The following PAPLN variants were observed in gnomAD, a reference collection of about 807,000 sequenced individuals.
The protein encoded by PAPLN is papilin.
A neutral mutation model predicts 159.0 loss-of-function variants in PAPLN; 146 were observed. That is an observed-to-expected ratio of 0.92 (90% CI 0.80 to 1.05). The LOEUF (loss-of-function observed/expected upper bound fraction) is 1.05, where lower values mean the gene tolerates loss of function less well. PAPLN is among the 50% of genes least tolerant of loss of function. PAPLN has a pLI of 0.00. For missense variants in PAPLN, 1,720 were observed against 1,743.9 expected (o/e 0.99, Z 0.24); for synonymous variants, 734 against 702.9 (o/e 1.04, Z -0.70).
intron 2 of PAPLN, 165 bp from the exon 3 acceptor site, chr14:73,244,479 T>C: frequency 1.7e-6 from 1 of 596,402 alleles, no homozygotes. Flanking sequence ...GGAATATGTT[T>C]TGGGGTGCCC....
chr14:73,244,589 C>A (rs1174405616), intron 2 of PAPLN, 55 bp from the exon 3 acceptor site: 5 of 1,450,964 alleles, frequency 3.4e-6, no homozygotes, highest in South Asian at 1.2e-5. Flanking sequence ...TTGGAGGGGC[C>A]TCTGGGCTCA....
intron 11 of PAPLN, chr14:73,253,127 T>C (rs748618915): frequency 1.5e-5 from 21 of 1,393,624 alleles, no homozygotes; most frequent in Non-Finnish European, 1.9e-5. Flanking sequence ...AAAGGGCCTG[T>C]TGGCATCGGC....
intron 6 of PAPLN, 86 bp from the exon 7 acceptor site, chr14:73,250,821 G>A (rs2140231987): frequency 6.9e-7 from 1 of 1,454,170 alleles, no homozygotes; most frequent in East Asian, 2.5e-5. Context: ...TGGGCTGCGT[G>A]GGTGCTGGGG....
intron 6 of PAPLN, 119 bp from the exon 7 acceptor site, chr14:73,250,788 A>T (rs1594794328): frequency 1.6e-6 from 2 of 1,243,088 alleles, no homozygotes; most frequent in African/African-American, 1.6e-5. Flanking sequence ...TGGCTGAATC[A>T]CTCCCGACCA....
chr14:73,261,443 C>T (rs1886578598), intron 18 of PAPLN, 149 bp downstream of exon 18: 1 of 1,221,618 alleles, frequency 8.2e-7, no homozygotes, highest in Non-Finnish European at 1.1e-6. Flanking sequence ...AGGTGCCAGG[C>T]CAGAGAGCAG....
In PAPLN at chr14:73,251,800, T is replaced by C; in HGVS notation, c.807T>C (p.His269=). The change falls in exon 9 of 27, where the codon CAT becomes CAC. Residue 269 remains histidine (H), a synonymous_variant. Transcript: ENST00000644200. ...AEGDLAPERL[H]ARGPTSEPLV... ...GGGACCTGGCCCCTGAGCGACTCCA[T>C]GCCCGGGGCCCCACCTCGGAGCCCC... The C allele has an allele frequency of 6.2e-7, 1 of 1,603,338 alleles. No homozygotes were observed. Among genetic ancestry groups the C allele is most frequent in the South Asian group, 1.1e-5 (1 of 90,080 alleles).
chr14:73,266,814 G>T lies in PAPLN; in HGVS notation c.3483G>T (p.Val1161=). Residue 1161 remains valine (V), a synonymous_variant, in exon 25 of 27, where the codon GTG becomes GTT. Coordinates refer to ENST00000644200, the MANE Select transcript of PAPLN (RefSeq NM_001365906.3). ...RLLCVVAGES[V]NIRWSRNGLP... ...TGTGTGTGGTAGCAGGAGAAAGTGT[G>T]AACATCAGGTGGTCCAGGTAAAGGC... 2 of 1,612,830 alleles carry T rather than the reference G, an allele frequency of 1.2e-6. No homozygotes were observed. The highest frequency in any genetic ancestry group is 2.2e-5 in the South Asian group (2 of 90,820).
Position 73,255,074 on chromosome 14 carries a change from C to A in PAPLN, c.1627+56C>A, listed in dbSNP as rs534927283. The A allele has an allele frequency of 1.5e-4, 237 of 1,559,372 alleles. No homozygotes were observed. The African/African-American group carries it at 2.6e-3, about 17-fold the overall frequency. On this transcript the variant is annotated intron_variant, in intron 14 of 26. Coordinates refer to ENST00000644200, the MANE Select transcript of PAPLN (RefSeq NM_001365906.3). ...CCTCTGACCTCTCTCCCACTCGCTA[C>A]AAACCCAGCAAGCATGTCCTGCCTC...
intron 1 of PAPLN, among the ~76,000 whole-genome samples, chr14:73,237,995 C>A (rs970375505): frequency 6.6e-6 from 1 of 152,168 alleles, no homozygotes; most frequent in Non-Finnish European, 1.5e-5. Flanking sequence ...CGGCTGCCGG[C>A]ACCTGCGCGG....
In PAPLN at chr14:73,272,766, A is replaced by G. The variant is rs371605631; in HGVS notation, c.*102A>G. ...CTCTCTCTGGCTGGCAAAGGGAGTT[A>G]TCTTCTGGAATACATTAGCTCTTTC... is the stretch of plus-strand genomic sequence containing the variant. On this transcript the variant is annotated 3_prime_UTR_variant, in exon 27 of 27. Transcript: ENST00000644200. 1 of 1,276,684 alleles carries G rather than the reference A, an allele frequency of 7.8e-7. No individual in the cohort carries two copies. Among genetic ancestry groups the G allele is most frequent in the African/African-American group, 1.5e-5 (1 of 67,192 alleles). 79.1% of individuals were successfully genotyped at this position (1,276,684 alleles called of 1,614,324 possible).
intron 19 of PAPLN, chr14:73,263,169 T>G (rs1012679917): frequency 8.8e-6 from 3 of 339,138 alleles, no homozygotes; most frequent in African/African-American, 6.3e-5. Flanking sequence ...AAGCCTCAGT[T>G]TCTTGACCTG....
chr14:73,266,412 T>C, intron 23 of PAPLN, 89 bp from the exon 24 acceptor site: 13 of 1,493,612 alleles, frequency 8.7e-6, no homozygotes, highest in Non-Finnish European at 1.2e-5. Flanking sequence ...GACCTTGTGT[T>C]CCCTCCCTGA....
At position 73,263,701 on chromosome 14, in the gene PAPLN, T is replaced by C. The variant is rs1325284460; in HGVS notation, c.2780T>C (p.Val927Ala). ...GTGCAGGCAGCCCTGGGGCAGTTGGTGCGGCTCTCCTGCTCAGACGACACT... is the reference window on the plus strand; with the variant it reads ...GTGCAGGCAGCCCTGGGGCAGTTGGCGCGGCTCTCCTGCTCAGACGACACT... ...SLVQAALGQL[V>A]RLSCSDDTAP... The change falls in exon 20 of 27, where the codon GTG (valine) becomes GCG (alanine). Residue 927 changes from valine to alanine, a missense_variant. Transcript: ENST00000644200. The C allele has an allele frequency of 6.2e-7, 1 of 1,613,080 alleles. No individual in the cohort carries two copies. Among genetic ancestry groups the C allele is most frequent in the East Asian group, 2.2e-5 (1 of 44,884 alleles).
chr14:73,272,443 C>T, intron 26 of PAPLN, 52 bp from the exon 27 acceptor site: 1 of 1,416,852 alleles, frequency 7.1e-7, no homozygotes, highest in African/African-American at 1.4e-5. Flanking sequence ...TGAGAATTTT[C>T]AGCATACACA....
chr14:73,252,273 C>T, intron 10 of PAPLN, 132 bp downstream of exon 10: 1 of 1,355,444 alleles, frequency 7.4e-7, no homozygotes. Context: ...CGAGAAATCT[C>T]TGTGTTATGG....
At chr14:73,242,795 C>T (rs1883726939) in intron 2 of PAPLN, 1 of 152,172 alleles carries the variant, frequency 6.6e-6, no homozygotes, top group Non-Finnish European at 1.5e-5. Context: ...CTGGCAAGCC[C>T]TTCCTTCTTG....
chr14:73,261,142 G>A lies in PAPLN; in HGVS notation c.2107-14G>A, dbSNP rs375217868. On this transcript the variant is annotated splice_polypyrimidine_tract_variant and intron_variant, in intron 17 of 26. Transcript: ENST00000644200. Reference sequence around the variant, plus strand: ...ATCCACTGCCCACTTCCCAATCATGGGTTTCCTCCCCAGGTCCACAACACC... The same window carrying A: ...ATCCACTGCCCACTTCCCAATCATGAGTTTCCTCCCCAGGTCCACAACACC... The A allele has an allele frequency of 3.1e-4, 504 of 1,613,902 alleles. No homozygotes were observed. Among genetic ancestry groups the A allele is most frequent in the Non-Finnish European group, 4.1e-4 (486 of 1,180,020 alleles).
chr14:73,251,890 G>A, intron 9 of PAPLN, 54 bp downstream of exon 9: 3 of 1,551,572 alleles, frequency 1.9e-6, no homozygotes, highest in Non-Finnish European at 2.6e-6. Flanking sequence ...GTCCCCAAGA[G>A]GCTGCCAAGC....
In PAPLN at chr14:73,265,445, C is replaced by T. The variant is rs202162991; in HGVS notation, c.3201C>T (p.Ala1067=). The change falls in exon 23 of 27, where the codon GCC becomes GCT. Residue 1067 remains alanine (A), a synonymous_variant. Transcript: ENST00000644200. This position sits in a 1 kb window ranked among gnomAD's most constrained non-coding sequence, Gnocchi z 4.1. ...AGCGGATCCGGATGACCTGCCGTGC[C>T]GAAGGCTTCCCGCCCCCAGCCATCG... ...PGQRIRMTCR[A]EGFPPPAIEW... is the part of the protein sequence containing the mutation. 202 of 1,613,414 alleles carry T rather than the reference C, an allele frequency of 1.3e-4. No homozygotes were observed. The East Asian group carries it at 2.4e-3, about 19-fold the overall frequency.
Sources: allele counts gnomAD v4.1 joint callset (sites outside exome capture counted in the v4.1 genomes callset), GRCh38; gene constraint gnomAD v4.1.1; non-coding constraint Gnocchi (gnomAD v3.1); transcripts MANE v1.5; gene names NCBI Gene and HGNC (gene_info 2026-07-23, HGNC 2026-07-21).